KSR2: variants seen among roughly 807,000 people sequenced by gnomAD.
KSR2 encodes the protein kinase suppressor of ras 2.
A neutral mutation model predicts 107.8 loss-of-function variants in KSR2; 25 were observed. The observed-to-expected ratio is 0.23, with a 90% CI of 0.17 to 0.32. KSR2 has a LOEUF of 0.32. Ranked by LOEUF, KSR2 falls within the 10% of genes least tolerant of loss-of-function variation. The pLI is 1.00. For synonymous variants in KSR2, 480 were observed against 507.0 expected (o/e 0.95, Z 0.71); for missense variants, 887 against 1,268.9 (o/e 0.70, Z 4.57).
intron 4 of KSR2, among the ~76,000 whole-genome samples, chr12:117,731,457 T>TG (rs1283336445): frequency 1.4e-5 from 2 of 147,498 alleles, no homozygotes; most frequent in Admixed American, 6.7e-5. Flanking sequence ...GTCCGGGAGG[T>TG]GGGGGGCGCC....
chr12:117,505,115 G>C, intron 14 of KSR2, among the ~76,000 whole-genome samples: 1 of 152,082 alleles, frequency 6.6e-6, no homozygotes, highest in Non-Finnish European at 1.5e-5. Context: ...AGTATTCCAT[G>C]GTGTATATAT....
At chr12:117,638,958 G>A (rs1468948198) in intron 5 of KSR2, among the ~76,000 whole-genome samples, 2 of 152,086 alleles carry the variant, frequency 1.3e-5, no homozygotes, top group African/African-American at 2.4e-5. Context: ...AAGTACGATC[G>A]ATAAAGACTT....
chr12:117,619,209 TC>T (rs1186578885), intron 5 of KSR2, among the ~76,000 whole-genome samples: 2 of 120,576 alleles, frequency 1.7e-5, no homozygotes, highest in Non-Finnish European at 4.0e-5. Context: ...CAGTCAATTT[TC>T]TTTTTTTTTT....
chr12:117,522,184 T>G (rs1443752206), intron 14 of KSR2, among the ~76,000 whole-genome samples: 1 of 152,204 alleles, frequency 6.6e-6, no homozygotes, highest in Non-Finnish European at 1.5e-5. Flanking sequence ...CAAATGCAGC[T>G]GGCTTGCAGG....
intron 4 of KSR2, among the ~76,000 whole-genome samples, chr12:117,733,807 T>C (rs929885909): frequency 1.3e-5 from 2 of 148,784 alleles, no homozygotes; most frequent in African/African-American, 5.2e-5. Flanking sequence ...CAAGGAAGGC[T>C]GGTTTTTTGC....
intron 4 of KSR2, among the ~76,000 whole-genome samples, chr12:117,679,473 A>C (rs1383004106): frequency 6.6e-6 from 1 of 152,226 alleles, no homozygotes; most frequent in African/African-American, 2.4e-5. Flanking sequence ...AGAGGTCTAA[A>C]GGGAAATAGA....
intron 4 of KSR2, among the ~76,000 whole-genome samples, chr12:117,747,586 A>C (rs983594138): frequency 2.1e-4 from 31 of 146,050 alleles, no homozygotes; most frequent in Middle Eastern, 3.6e-3. Flanking sequence ...TGTATCCCGG[A>C]ACTTAAAATA....
At chr12:117,780,758 C>G in intron 3 of KSR2, among the ~76,000 whole-genome samples, 1 of 152,064 alleles carries the variant, frequency 6.6e-6, no homozygotes, top group East Asian at 1.9e-4. Context: ...TTAAATGTAA[C>G]CACTAGGAAA....
intron 4 of KSR2, among the ~76,000 whole-genome samples, chr12:117,721,726 G>A (rs1363040374): frequency 6.6e-6 from 1 of 152,196 alleles, no homozygotes. Context: ...CTCCCTAGGG[G>A]TGTCTACAAG....
At chr12:117,573,524 C>CTTTTTT (rs35130903) in intron 7 of KSR2, among the ~76,000 whole-genome samples, 1 of 108,336 alleles carries the variant, frequency 9.2e-6, no homozygotes, top group Non-Finnish European at 1.8e-5. Context: ...CACATGTTAT[C>CTTTTTT]TTTTTTTTTT....
Position 117,761,458 on chromosome 12 carries a change from T to C in KSR2, c.539A>G (p.Asn180Ser). Residue 180 changes from asparagine (N) to serine (S), a missense_variant, in exon 4 of 20, where the codon AAT becomes AGT. By Grantham distance (46) the Asn-to-Ser change is conservative. Transcript: ENST00000339824. ...GGTGGGCTCCGGGGGGCACACGGGA[T>C]TGTTCTCCTTCCCCGTCTCTGTCGT... is the stretch of plus-strand genomic sequence containing the variant. ...WPTTETGKENNPVCPPEPTPW... is the reference protein window; with the variant it reads ...WPTTETGKENSPVCPPEPTPW... The C allele has an allele frequency of 6.2e-7, 1 of 1,613,108 alleles. No individual in the cohort carries two copies. The highest frequency in any genetic ancestry group is 8.5e-7 in the Non-Finnish European group (1 of 1,179,650).
At chr12:117,855,300 T>C in intron 3 of KSR2, 128 bp downstream of exon 3, 2 of 1,225,364 alleles carry the variant, frequency 1.6e-6, no homozygotes, top group Non-Finnish European at 2.3e-6. Context: ...CTTCCTGCGT[T>C]TCGGATTTGC....
At chr12:117,747,762 A>C (rs766340304) in intron 4 of KSR2, among the ~76,000 whole-genome samples, 3 of 152,190 alleles carry the variant, frequency 2.0e-5, no homozygotes, top group Non-Finnish European at 4.4e-5. Context: ...ATCTCACTTC[A>C]TACCTGTCAA....
At chr12:117,656,671 G>T (rs563604524) in intron 5 of KSR2, among the ~76,000 whole-genome samples, 1 of 152,000 alleles carries the variant, frequency 6.6e-6, no homozygotes, top group Non-Finnish European at 1.5e-5. Flanking sequence ...TTAATCTGGT[G>T]GGTACAATCT....
At chr12:117,552,896 T>G (rs1032507779) in intron 9 of KSR2, among the ~76,000 whole-genome samples, 1 of 152,262 alleles carries the variant, frequency 6.6e-6, no homozygotes, top group Non-Finnish European at 1.5e-5. Flanking sequence ...CCAGCCGTTA[T>G]CTGTGTGAGT....
chr12:117,692,503 T>C (rs7962083), intron 4 of KSR2, among the ~76,000 whole-genome samples: 2,332 of 79,716 alleles, frequency 0.029, 178 homozygotes, highest in African/African-American at 0.041. Flanking sequence ...TATATATATA[T>C]ATACACACAC....
At chr12:117,852,899 T>C (rs1269505810) in intron 3 of KSR2, among the ~76,000 whole-genome samples, 1 of 152,164 alleles carries the variant, frequency 6.6e-6, no homozygotes, top group African/African-American at 2.4e-5. Flanking sequence ...CCTCCCAGGT[T>C]CAAGAGATTC....
rs1871855785 is a variant in KSR2, at chr12:117,477,385, C to T, written c.2451-790G>A. ...TGAATCCACAAATAATGATAATCTA[C>T]TGTGTTTTTCCATCACCTATGATGC... is the stretch of plus-strand genomic sequence containing the variant. On this transcript the variant is annotated intron_variant, in intron 16 of 19. Transcript: ENST00000339824. Among the ~76,000 whole-genome samples the T allele has an allele frequency of 3.9e-5, 6 of 152,226 alleles. No individual in the cohort carries two copies. The South Asian group carries it at 1.2e-3, about 31-fold the overall frequency.
intron 1 of KSR2, among the ~76,000 whole-genome samples, chr12:117,933,952 T>G (rs2137507732): frequency 6.6e-6 from 1 of 152,304 alleles, no homozygotes; most frequent in African/African-American, 2.4e-5. Context: ...GTGACCACAC[T>G]TGGCTTCAGA....
Sources: gnomAD v4.1 joint callset for allele counts (sites outside exome capture counted in the v4.1 genomes callset) on GRCh38, gnomAD v4.1.1 for gene constraint, MANE v1.5 for transcripts, NCBI Gene and HGNC (gene_info 2026-07-23, HGNC 2026-07-21) for gene names.